The following FRMPD4 variants were observed in gnomAD, a reference collection of about 807,000 sequenced individuals.
The protein encoded by FRMPD4 is FERM and PDZ domain-containing protein 4.
Under a neutral mutation model 94.1 loss-of-function variants are expected in FRMPD4, and 22 were observed. The ratio of observed to expected loss-of-function variants is 0.23; its 90% confidence interval spans 0.17 to 0.33. The LOEUF is 0.33. Ranked by LOEUF, FRMPD4 falls within the 10% of genes least tolerant of loss-of-function variation. FRMPD4 has a pLI of 1.00. For missense variants in FRMPD4, 1,111 were observed against 1,339.9 expected, an observed-to-expected ratio of 0.83 and a Z score of 2.67; for synonymous variants, 631 against 548.6, an observed-to-expected ratio of 1.15 and a Z score of -2.10.
chrX:12,003,041 T>C (rs934177632), intron 3 of FRMPD4, among the ~76,000 whole-genome samples: 1 of 111,449 alleles, frequency 9.0e-6, no homozygotes, highest in African/African-American at 3.3e-5. Flanking sequence ...GAAGCTGCTC[T>C]GGCATTAAGC....
intron 1 of FRMPD4, among the ~76,000 whole-genome samples, chrX:12,185,850 A>G (rs751911514): frequency 1.3e-3 from 145 of 111,558 alleles, no homozygotes; most frequent in African/African-American, 4.3e-3. Flanking sequence ...GAATTCCACT[A>G]CTTGGGGTCA....
chrX:11,849,241 GAGGTGTA>G (rs1198527698), intron 1 of FRMPD4, among the ~76,000 whole-genome samples: 1 of 111,388 alleles, frequency 9.0e-6, no homozygotes, highest in East Asian at 2.8e-4. Flanking sequence ...GGAATAAAAG[GAGGTGTA>G]AGACTTATAC....
In FRMPD4 at chrX:12,531,344, C is replaced by T. The variant is rs186566113; in HGVS notation, c.158+32548C>T. Among the ~76,000 whole-genome samples, 276 of 111,809 alleles carry T rather than the reference C, an allele frequency of 2.5e-3. 1 individual carries two copies. The highest frequency in any genetic ancestry group is 8.5e-3 in the African/African-American group (262 of 30,799). ...GAATATTGATTTATTTTCCCAGAAA[C>T]GCAAATCAAGAAGTTCCCTCCTTTC... On this transcript the variant is annotated intron_variant, in intron 2 of 16. Transcript: ENST00000675598.
chrX:11,884,510 A>G (rs1178247905), intron 3 of FRMPD4, among the ~76,000 whole-genome samples: 2 of 111,362 alleles, frequency 1.8e-5, no homozygotes. Context: ...ATGTGTGTGT[A>G]TATATGTGTA....
At chrX:12,501,048 G>C (rs1461907749) in intron 2 of FRMPD4, among the ~76,000 whole-genome samples, 1 of 112,177 alleles carries the variant, frequency 8.9e-6, no homozygotes, top group East Asian at 2.8e-4. Flanking sequence ...TCAATAGGTG[G>C]AAACCCAAAC....
At chrX:12,110,320 AC>A (rs2055346416) in intron 3 of FRMPD4, among the ~76,000 whole-genome samples, 1 of 112,398 alleles carries the variant, frequency 8.9e-6, no homozygotes, top group Non-Finnish European at 1.9e-5. Context: ...GACAAAAACC[AC>A]ATGATTATCT....
chrX:12,599,920 T>G (rs1569357841), intron 2 of FRMPD4, among the ~76,000 whole-genome samples: 2 of 110,697 alleles, frequency 1.8e-5, no homozygotes, highest in African/African-American at 6.6e-5. Context: ...AAATATATGT[T>G]AAGAGGTGTT....
At chrX:11,829,949 T>C (rs1160367450) in intron 1 of FRMPD4, among the ~76,000 whole-genome samples, 4 of 111,922 alleles carry the variant, frequency 3.6e-5, no homozygotes, top group Non-Finnish European at 7.5e-5. Context: ...TGCAGACAAG[T>C]TTTGTTACAG....
At chrX:12,159,840 A>T (rs1344612690) in intron 1 of FRMPD4, among the ~76,000 whole-genome samples, 1 of 112,182 alleles carries the variant, frequency 8.9e-6, no homozygotes, top group East Asian at 2.8e-4. Flanking sequence ...CTTCTTCACA[A>T]ATTGAATGGT....
At chrX:12,523,591 A>G (rs2058187225) in intron 2 of FRMPD4, among the ~76,000 whole-genome samples, 1 of 112,023 alleles carries the variant, frequency 8.9e-6, no homozygotes, top group Admixed American at 9.4e-5. Flanking sequence ...CTTTCCAGCC[A>G]CTTGAGGGTG....
intron 3 of FRMPD4, among the ~76,000 whole-genome samples, chrX:11,987,487 G>A (rs2054438520): frequency 9.0e-6 from 1 of 110,978 alleles, no homozygotes; most frequent in African/African-American, 3.3e-5. Context: ...AAAAACTGAG[G>A]CCCTTTTCTC....
chrX:12,445,578 G>A (rs150406379), intron 1 of FRMPD4, among the ~76,000 whole-genome samples: 49 of 112,119 alleles, frequency 4.4e-4, no homozygotes, highest in East Asian at 1.4e-3. Flanking sequence ...GTAAAAGGTC[G>A]GTAGTTATAT....
rs777882914 is a variant in FRMPD4, at chrX:12,707,567, C to T, written c.1386C>T (p.Ala462=). ...AAACCAATCTGGTGGCTCTTTTAGC[C>T]GACTTTAGCCACGTCAACAGGATCG... is the stretch of plus-strand genomic sequence containing the variant. ...NTKTNLVALL[A]DFSHVNRIEM... The change falls in exon 13 of 17, where the codon GCC becomes GCT. Residue 462 remains alanine, a synonymous_variant. Transcript: ENST00000675598. 9.1e-6 allele frequency: 11 copies of T among 1,208,746 alleles called. No homozygotes were observed. The highest frequency in any genetic ancestry group is 1.8e-5 in the South Asian group (1 of 56,765).
At chrX:12,615,539 T>G (rs181267184) in intron 4 of FRMPD4, among the ~76,000 whole-genome samples, 48 of 111,794 alleles carry the variant, frequency 4.3e-4, no homozygotes, top group African/African-American at 1.5e-3. Flanking sequence ...ACCTCCTTAG[T>G]GAATTTAAGG....
At chrX:12,192,868 G>A (rs2056507306) in intron 1 of FRMPD4, among the ~76,000 whole-genome samples, 1 of 111,772 alleles carries the variant, frequency 8.9e-6, no homozygotes, top group South Asian at 3.7e-4. Flanking sequence ...AATCCCTGCT[G>A]TAGGAGAAAG....
In FRMPD4 at chrX:12,519,625, G is replaced by A. The variant is rs187421288; in HGVS notation, c.158+20829G>A. 7.1e-5 allele frequency among the ~76,000 whole-genome samples: 8 copies of A among 112,321 alleles called. No individual in the cohort carries two copies. The Admixed American group carries it at 7.5e-4, about 11-fold the overall frequency. ...CAGAATGAAAATCATGCAACCTATGGAATGGGAGGAAATATTTGCAAATCA... is the reference window on the plus strand; with the variant it reads ...CAGAATGAAAATCATGCAACCTATGAAATGGGAGGAAATATTTGCAAATCA... On this transcript the variant is annotated intron_variant, in intron 2 of 16. Transcript: ENST00000675598.
intron 3 of FRMPD4, among the ~76,000 whole-genome samples, chrX:12,053,434 A>AAG (rs1569149878): frequency 2.1e-5 from 2 of 96,190 alleles, no homozygotes; most frequent in African/African-American, 7.4e-5. Flanking sequence ...AAGAAAGAGA[A>AAG]AGAAAGAAGA....
At chrX:12,254,923 C>A (rs1202788015) in intron 1 of FRMPD4, among the ~76,000 whole-genome samples, 1 of 110,199 alleles carries the variant, frequency 9.1e-6, no homozygotes, top group Non-Finnish European at 1.9e-5. Flanking sequence ...CAGAATTTGA[C>A]ATTTTCATAA....
At chrX:12,660,926 G>T (rs2059707148) in intron 4 of FRMPD4, among the ~76,000 whole-genome samples, 1 of 111,852 alleles carries the variant, frequency 8.9e-6, no homozygotes, top group Admixed American at 9.5e-5. Flanking sequence ...AGCTGGCCAG[G>T]CATCTCTCCC....
Sources: allele counts gnomAD v4.1 joint callset (sites outside exome capture counted in the v4.1 genomes callset), GRCh38; gene constraint gnomAD v4.1.1; transcripts MANE v1.5; gene names NCBI Gene and HGNC (gene_info 2026-07-23, HGNC 2026-07-21).